Variants in TBC1D22A observed in about 807,000 individuals in gnomAD.
The protein encoded by TBC1D22A is putative GTPase activator.
Under a neutral mutation model 60.2 loss-of-function variants are expected in TBC1D22A, and 38 were observed. The ratio of observed to expected loss-of-function variants is 0.63; its 90% CI spans 0.49 to 0.83. The LOEUF is 0.83. Ranked by LOEUF, TBC1D22A falls within the 40% of genes least tolerant of loss-of-function variation. The pLI, the probability that TBC1D22A is intolerant of heterozygous loss-of-function variation, is 0.00. For missense variants in TBC1D22A, 628 were observed against 701.0 expected (o/e 0.90, Z 1.18); for synonymous variants, 302 against 281.7 (o/e 1.07, Z -0.72).
chr22:46,931,523 T>C (rs1043961929), intron 8 of TBC1D22A, among the ~76,000 whole-genome samples: 2 of 152,178 alleles, frequency 1.3e-5, no homozygotes, highest in Admixed American at 1.3e-4. Flanking sequence ...GGAACTTGAG[T>C]AATTCAAACC....
In TBC1D22A at chr22:46,786,245, CT is replaced by C. The variant is rs778037271; in HGVS notation, c.63-6270del. 1.1e-3 allele frequency among the ~76,000 whole-genome samples: 170 copies of C among 152,228 alleles called. 1 individual carries two copies. Among genetic ancestry groups the C allele is most frequent in the South Asian group, 6.2e-4 (3 of 4,820 alleles). ...AATGAGTATTGAATTTTATCATATGCTTTTTCTGCATCTATTTAGATGATCA... is the reference window on the plus strand; with the variant it reads ...AATGAGTATTGAATTTTATCATATGCTTTTCTGCATCTATTTAGATGATCA... On this transcript the variant is annotated intron_variant, in intron 1 of 12. Transcript: ENST00000337137.
At chr22:46,930,462 T>C (rs893439482) in intron 8 of TBC1D22A, among the ~76,000 whole-genome samples, 1 of 152,036 alleles carries the variant, frequency 6.6e-6, no homozygotes, top group African/African-American at 2.4e-5. Context: ...TGCATTTATT[T>C]ATTTACTTAT....
chr22:46,798,883 G>A (rs951316945), intron 4 of TBC1D22A, among the ~76,000 whole-genome samples: 5 of 152,212 alleles, frequency 3.3e-5, no homozygotes, highest in East Asian at 1.9e-4. Context: ...CAAGCCCAGG[G>A]CAGGGAGAGG....
intron 4 of TBC1D22A, among the ~76,000 whole-genome samples, chr22:46,832,176 G>A (rs1186804476): frequency 3.3e-5 from 5 of 152,224 alleles, no homozygotes; most frequent in African/African-American, 9.7e-5. Flanking sequence ...GACAGTCCAT[G>A]CATCATGGCA....
intron 3 of TBC1D22A, among the ~76,000 whole-genome samples, chr22:46,794,541 C>T (rs754048712): frequency 7.9e-5 from 12 of 152,298 alleles, no homozygotes; most frequent in South Asian, 2.1e-4. Flanking sequence ...CACTGTGGGC[C>T]GCGGGTACTG....
intron 11 of TBC1D22A, among the ~76,000 whole-genome samples, chr22:47,071,467 G>C (rs549907533): frequency 6.6e-6 from 1 of 152,238 alleles, no homozygotes; most frequent in African/African-American, 2.4e-5. Context: ...GAGCCACTGA[G>C]CTTCTGCAGC....
chr22:46,773,607 G>A (rs551425494), intron 1 of TBC1D22A, among the ~76,000 whole-genome samples: 139 of 152,304 alleles, frequency 9.1e-4, no homozygotes, highest in African/African-American at 3.2e-3. Context: ...TGGGGCTACA[G>A]GCTCATGCCG....
At chr22:46,849,113 C>T (rs111807074) in intron 4 of TBC1D22A, among the ~76,000 whole-genome samples, 112 of 152,316 alleles carry the variant, frequency 7.4e-4, no homozygotes, top group African/African-American at 2.6e-3. Context: ...GTGTGACGCT[C>T]TAGGCAGAGG....
chr22:46,976,937 C>T (rs2074322305), intron 9 of TBC1D22A, among the ~76,000 whole-genome samples: 1 of 152,192 alleles, frequency 6.6e-6, no homozygotes, highest in African/African-American at 2.4e-5. Flanking sequence ...CTCCTAGCCC[C>T]ACAGTTTCTG....
At chr22:46,999,387 ATG>A (rs574144451) in intron 10 of TBC1D22A, among the ~76,000 whole-genome samples, 1 of 152,190 alleles carries the variant, frequency 6.6e-6, no homozygotes, top group Non-Finnish European at 1.5e-5. Flanking sequence ...ACAGAGAAAG[ATG>A]TGTGTTGCCG....
chr22:46,979,381 A>G (rs562811644), intron 9 of TBC1D22A, among the ~76,000 whole-genome samples: 2 of 152,350 alleles, frequency 1.3e-5, no homozygotes, highest in South Asian at 4.1e-4. Context: ...TTGAGAAAAT[A>G]TCTTCCAGAG....
intron 4 of TBC1D22A, among the ~76,000 whole-genome samples, chr22:46,857,319 GTGGGGCTGGTCAGCCCT>G (rs1165678921): frequency 1.3e-5 from 2 of 152,190 alleles, no homozygotes; most frequent in African/African-American, 4.8e-5. Flanking sequence ...CTGCCCCTGG[GTGGGGCTGGTCAGCCCT>G]CCTCAGCCCT....
chr22:46,894,356 TCA>T (rs1287426264), intron 6 of TBC1D22A, among the ~76,000 whole-genome samples: 1 of 152,218 alleles, frequency 6.6e-6, no homozygotes. Flanking sequence ...CCCCAGGACT[TCA>T]TAAAGTGGAG....
intron 4 of TBC1D22A, among the ~76,000 whole-genome samples, chr22:46,800,779 A>G (rs1183797710): frequency 1.3e-5 from 2 of 152,076 alleles, no homozygotes; most frequent in Non-Finnish European, 2.9e-5. Context: ...TTATCTTCTC[A>G]CTTGATTTTT....
intron 8 of TBC1D22A, among the ~76,000 whole-genome samples, chr22:46,972,047 AG>A (rs1196109803): frequency 6.6e-6 from 1 of 152,200 alleles, no homozygotes. Flanking sequence ...TTGTCATCCT[AG>A]CCCCGCATTC....
intron 7 of TBC1D22A, among the ~76,000 whole-genome samples, chr22:46,909,514 A>G (rs942507960): frequency 2.0e-5 from 3 of 152,106 alleles, no homozygotes; most frequent in Non-Finnish European, 4.4e-5. Flanking sequence ...ACACACGTGG[A>G]GGGATGTCAG....
chr22:46,942,932 G>A (rs1033519282), intron 8 of TBC1D22A, among the ~76,000 whole-genome samples: 1 of 152,172 alleles, frequency 6.6e-6, no homozygotes, highest in Admixed American at 6.5e-5. Flanking sequence ...GGTGTGGGCC[G>A]GTTGGTGAAA....
intron 11 of TBC1D22A, among the ~76,000 whole-genome samples, chr22:47,073,523 A>G (rs112473403): frequency 1.3e-5 from 2 of 152,146 alleles, no homozygotes; most frequent in African/African-American, 2.4e-5. Context: ...AGCCTCATAA[A>G]TATATACAAT....
intron 12 of TBC1D22A, among the ~76,000 whole-genome samples, chr22:47,123,998 G>A (rs576691357): frequency 3.7e-4 from 56 of 152,280 alleles, no homozygotes; most frequent in African/African-American, 1.2e-3. Context: ...ATGCAACACC[G>A]TGAAACAGGA....
Sources: gnomAD v4.1 joint callset for allele counts (sites outside exome capture counted in the v4.1 genomes callset) on GRCh38, gnomAD v4.1.1 for gene constraint, MANE v1.5 for transcripts, NCBI Gene and HGNC (gene_info 2026-07-23, HGNC 2026-07-21) for gene names.